USP24: variants seen among roughly 807,000 people sequenced by gnomAD.
USP24 encodes ubiquitin specific peptidase 24.
Under a neutral mutation model 361.6 loss-of-function variants are expected in USP24, and 97 were observed. The ratio of observed to expected loss-of-function variants is 0.27; its 90% CI spans 0.23 to 0.32. The LOEUF is 0.32. USP24 is among the 10% of genes least tolerant of loss of function. USP24 has a pLI of 1.00. For missense variants in USP24, 2,353 were observed against 3,165.6 expected (o/e 0.74, Z 6.16); for synonymous variants, 1,098 against 1,124.6 (o/e 0.98, Z 0.47).
chr1:55,204,973 T>C (rs1444643863), intron 1 of USP24, among the ~76,000 whole-genome samples: 1 of 152,200 alleles, frequency 6.6e-6, no homozygotes, highest in Non-Finnish European at 1.5e-5. Context: ...TCCCACCTTC[T>C]TAAAAATGTG....
chr1:55,144,266 G>C, intron 20 of USP24, 63 bp from the exon 21 acceptor site: 1 of 1,111,574 alleles, frequency 9.0e-7, no homozygotes, highest in Non-Finnish European at 1.3e-6. Flanking sequence ...TCAATGAAAA[G>C]ACTCAAAGTG....
intron 1 of USP24, among the ~76,000 whole-genome samples, chr1:55,180,078 G>C (rs1294160397): frequency 6.6e-6 from 1 of 152,094 alleles, no homozygotes; most frequent in Non-Finnish European, 1.5e-5. Flanking sequence ...CTGGGATTTA[G>C]CTTCTTGTCA....
intron 56 of USP24, 91 bp downstream of exon 56, chr1:55,085,851 A>T: frequency 7.5e-7 from 1 of 1,331,932 alleles, no homozygotes; most frequent in Non-Finnish European, 1.0e-6. Flanking sequence ...AAATTACCAG[A>T]CTCCAATCCT....
chr1:55,068,922 A>G lies in USP24; in HGVS notation c.*123T>C. The G allele has an allele frequency of 1.9e-6, 2 of 1,052,674 alleles. No homozygotes were observed. The highest frequency in any genetic ancestry group is 2.9e-6 in the Non-Finnish European group (2 of 698,868). The allele number at this position is 1,052,674 out of a possible 1,614,324, so 65.2% of individuals were successfully genotyped here. The stretch of plus-strand genomic sequence containing the variant: ...TCCTTGAGAAATACACGATCCGCCC[A>G]AGTCACAGCAGCTTTCCCAGTCCAA... On this transcript the variant is annotated 3_prime_UTR_variant, in exon 68 of 68. Coordinates refer to ENST00000294383, the MANE Select transcript of USP24 (RefSeq NM_015306.3).
intron 51 of USP24, among the ~76,000 whole-genome samples, chr1:55,094,696 T>TAAAAAA (rs35026432): frequency 9.2e-6 from 1 of 109,010 alleles, no homozygotes. Context: ...CTGCTAACAT[T>TAAAAAA]AAAAAAAAAA....
intron 35 of USP24, 49 bp from the exon 36 acceptor site, chr1:55,123,651 C>T: frequency 1.3e-6 from 2 of 1,492,806 alleles, no homozygotes; most frequent in Non-Finnish European, 1.8e-6. Flanking sequence ...AGGAACTATG[C>T]AATATTTTAA....
chr1:55,154,313 A>C (rs1647395262), intron 14 of USP24, 33 bp from the exon 15 acceptor site: 2 of 1,583,174 alleles, frequency 1.3e-6, no homozygotes, highest in Non-Finnish European at 1.7e-6. Flanking sequence ...CAGCCAGCCA[A>C]TATGCAAATA....
intron 61 of USP24, among the ~76,000 whole-genome samples, chr1:55,077,571 A>C (rs17111578): frequency 0.039 from 5,908 of 152,270 alleles, 367 homozygotes; most frequent in African/African-American, 0.13. Flanking sequence ...CAAGTCACTA[A>C]ACAGATCCGA....
At chr1:55,182,274 T>A (rs191856497) in intron 1 of USP24, among the ~76,000 whole-genome samples, 6 of 152,210 alleles carry the variant, frequency 3.9e-5, no homozygotes, top group Non-Finnish European at 7.4e-5. Flanking sequence ...ATGGTCTCGA[T>A]CTCTTGACCT....
chr1:55,180,730 A>G (rs529365928), intron 1 of USP24, among the ~76,000 whole-genome samples: 2 of 152,294 alleles, frequency 1.3e-5, no homozygotes, highest in African/African-American at 4.8e-5. Flanking sequence ...CAGTTATCAT[A>G]TACCCTTACC....
intron 1 of USP24, among the ~76,000 whole-genome samples, chr1:55,192,607 G>A (rs545613093): frequency 6.6e-5 from 10 of 152,304 alleles, no homozygotes; most frequent in African/African-American, 1.9e-4. Context: ...ATGGGCATTC[G>A]ATTGCAAGTC....
intron 3 of USP24, among the ~76,000 whole-genome samples, chr1:55,172,959 G>C (rs1384588324): frequency 6.6e-6 from 1 of 152,152 alleles, no homozygotes; most frequent in African/African-American, 2.4e-5. Context: ...CAAATGTTAT[G>C]AGGATTAAAA....
chr1:55,084,864 G>A (rs2100442657), intron 56 of USP24, among the ~76,000 whole-genome samples: 2 of 152,298 alleles, frequency 1.3e-5, no homozygotes, highest in South Asian at 4.1e-4. Context: ...AGGCTGGTGG[G>A]TAATATGCTA....
intron 38 of USP24, among the ~76,000 whole-genome samples, chr1:55,117,608 G>C (rs112395168): frequency 6.6e-6 from 1 of 151,780 alleles, no homozygotes; most frequent in African/African-American, 2.4e-5. Context: ...GGCGCCTGTA[G>C]TCCCAGCTAC....
At chr1:55,097,542 A>G (rs1645524814) in intron 48 of USP24, 56 bp downstream of exon 48, 1 of 1,515,444 alleles carries the variant, frequency 6.6e-7, no homozygotes, top group African/African-American at 1.4e-5. Context: ...GGAAAAAAAA[A>G]GAAGTGAGTG....
Position 55,124,455 on chromosome 1 carries a change from T to G in USP24, c.4120+14A>C. ...TACCCAGTGTTCTCATTACTGTCTCTTTTTAATCAGTACCTGAACTGCTGA... is the reference window on the plus strand; with the variant it reads ...TACCCAGTGTTCTCATTACTGTCTCGTTTTAATCAGTACCTGAACTGCTGA... On this transcript the variant is annotated intron_variant, in intron 35 of 67. Transcript: ENST00000294383. The G allele has an allele frequency of 6.2e-7, 1 of 1,604,732 alleles. No individual in the cohort carries two copies.
chr1:55,078,555 T>C lies in USP24; in HGVS notation c.7297A>G (p.Met2433Val), dbSNP rs146157541. 2.6e-4 allele frequency: 426 copies of C among 1,611,360 alleles called. 1 individual carries two copies. Among genetic ancestry groups the C allele is most frequent in the Admixed American group, 5.0e-4 (30 of 59,530 alleles). ...GGTCTTACCTTAATGAAATGCAGCA[T>C]TGTGAAGGAAAAATGCTCATTACAG... The part of the protein sequence containing the change: ...CFCNEHFSFT[M>V]LHFIKNQLET... The change falls in exon 61 of 68, where the codon ATG (methionine) becomes GTG (valine). Residue 2433 changes from methionine to valine, a missense_variant. Physicochemically the swap from Met to Val is conservative, Grantham distance 21. Coordinates refer to ENST00000294383, the MANE Select transcript of USP24 (RefSeq NM_015306.3).
chr1:55,155,920 T>C (rs1432931435), intron 12 of USP24, among the ~76,000 whole-genome samples: 1 of 152,170 alleles, frequency 6.6e-6, no homozygotes, highest in Non-Finnish European at 1.5e-5. Context: ...TTAATACCCC[T>C]TCCTTCTTTT....
intron 55 of USP24, chr1:55,086,348 C>T (rs948411026): frequency 5.6e-6 from 2 of 355,246 alleles, no homozygotes; most frequent in African/African-American, 4.1e-5. Context: ...GACTCAGCTG[C>T]AATTCTCTTG....
Sources: gnomAD v4.1 joint callset for allele counts (sites outside exome capture counted in the v4.1 genomes callset) on GRCh38, gnomAD v4.1.1 for gene constraint, MANE v1.5 for transcripts, NCBI Gene and HGNC (gene_info 2026-07-23, HGNC 2026-07-21) for gene names.